Variants in ASCC3 observed in about 807,000 individuals in gnomAD.
ASCC3 encodes the protein activating signal cointegrator 1 complex subunit 3.
ASCC3 carries 158 observed loss-of-function variants against 256.3 expected under a neutral mutation model. The ratio of observed to expected loss-of-function variants is 0.62; its 90% CI spans 0.54 to 0.70. ASCC3 has a LOEUF of 0.70. ASCC3 is among the 30% of genes least tolerant of loss of function. The pLI is 0.00. For missense variants in ASCC3, 2,259 were observed against 2,626.0 expected, an observed-to-expected ratio of 0.86 and a Z score of 3.05; for synonymous variants, 948 against 883.4, an observed-to-expected ratio of 1.07 and a Z score of -1.30.
chr6:100,748,902 C>T (rs1780807373), intron 10 of ASCC3, among the ~76,000 whole-genome samples: 1 of 151,886 alleles, frequency 6.6e-6, no homozygotes, highest in South Asian at 2.1e-4. Context: ...ACATGCCTAT[C>T]ATCCATCAGC....
rs191769264 is a variant in ASCC3, at chr6:100,871,345, C to T, written c.-41-3307G>A. 1.6e-3 allele frequency among the ~76,000 whole-genome samples: 245 copies of T among 152,274 alleles called. 1 individual carries two copies. Among genetic ancestry groups the T allele is most frequent in the African/African-American group, 5.3e-3 (221 of 41,564 alleles). On this transcript the variant is annotated intron_variant, in intron 1 of 41. Coordinates refer to ENST00000369162, the MANE Select transcript of ASCC3 (RefSeq NM_006828.4). ...TCCTGACCTCGTGATCCGCCCGCCT[C>T]GGCCTCCTAAAGTGCTGGGATTACA...
intron 13 of ASCC3, among the ~76,000 whole-genome samples, chr6:100,713,897 T>C: frequency 6.6e-6 from 1 of 152,134 alleles, no homozygotes; most frequent in Non-Finnish European, 1.5e-5. Flanking sequence ...TCTAGCTACT[T>C]ACACTGAATT....
At chr6:100,664,339 T>C (rs1270730517) in intron 14 of ASCC3, among the ~76,000 whole-genome samples, 1 of 152,090 alleles carries the variant, frequency 6.6e-6, no homozygotes, top group Non-Finnish European at 1.5e-5. Flanking sequence ...TCAGGTCACT[T>C]AAAATTTTAA....
At chr6:100,792,721 T>C (rs1374928669) in intron 8 of ASCC3, among the ~76,000 whole-genome samples, 1 of 151,978 alleles carries the variant, frequency 6.6e-6, no homozygotes, top group Non-Finnish European at 1.5e-5. Flanking sequence ...TCCAATGTTG[T>C]TTTATTCAGC....
chr6:100,650,890 T>A (rs912665942), intron 19 of ASCC3, among the ~76,000 whole-genome samples, 176 bp from the exon 20 acceptor site: 2 of 151,874 alleles, frequency 1.3e-5, no homozygotes, highest in Admixed American at 6.6e-5. Flanking sequence ...AACTGCAATA[T>A]GAAATGATCT....
chr6:100,553,005 T>C (rs1048522384), intron 36 of ASCC3, among the ~76,000 whole-genome samples: 1 of 152,052 alleles, frequency 6.6e-6, no homozygotes, highest in African/African-American at 2.4e-5. Context: ...GGCTCTCCTG[T>C]GAATACCATG....
intron 36 of ASCC3, among the ~76,000 whole-genome samples, chr6:100,584,334 T>C (rs1771512701): frequency 6.6e-6 from 1 of 151,722 alleles, no homozygotes; most frequent in South Asian, 2.1e-4. Flanking sequence ...CCCTTTACCA[T>C]TATGTAATGG....
At chr6:100,729,338 A>AT (rs1421654094) in intron 10 of ASCC3, among the ~76,000 whole-genome samples, 1 of 152,174 alleles carries the variant, frequency 6.6e-6, no homozygotes, top group Non-Finnish European at 1.5e-5. Flanking sequence ...TTATGGAAAG[A>AT]TTTCAACTTC....
At chr6:100,742,927 T>C (rs1009797879) in intron 10 of ASCC3, among the ~76,000 whole-genome samples, 2 of 152,182 alleles carry the variant, frequency 1.3e-5, no homozygotes, top group Non-Finnish European at 2.9e-5. Context: ...TTCAGCCCCC[T>C]ACCTAGGGGA....
At chr6:100,586,276 C>T (rs1348999752) in intron 36 of ASCC3, among the ~76,000 whole-genome samples, 1 of 152,184 alleles carries the variant, frequency 6.6e-6, no homozygotes, top group Non-Finnish European at 1.5e-5. Context: ...CCTAAGCAAG[C>T]CTGGGCAATG....
At chr6:100,745,567 TC>T (rs1188849457) in intron 10 of ASCC3, among the ~76,000 whole-genome samples, 1 of 151,736 alleles carries the variant, frequency 6.6e-6, no homozygotes, top group Non-Finnish European at 1.5e-5. Context: ...CTCCCTCTGC[TC>T]CTGTTCTGTA....
intron 30 of ASCC3, among the ~76,000 whole-genome samples, chr6:100,610,439 G>GT (rs200035890): frequency 7.3e-5 from 11 of 150,918 alleles, no homozygotes; most frequent in Non-Finnish European, 7.4e-5. Flanking sequence ...AATTTTCTAA[G>GT]TTTTTTTTTA....
intron 8 of ASCC3, among the ~76,000 whole-genome samples, chr6:100,770,336 T>C (rs1436486150): frequency 4.6e-5 from 7 of 151,966 alleles, no homozygotes; most frequent in Non-Finnish European, 7.4e-5. Flanking sequence ...AGAAGGCATC[T>C]ACAAAAGCGT....
In ASCC3 at chr6:100,851,996, C is replaced by G. The variant is rs575291445; in HGVS notation, c.242-3289G>C. ...CCGACATGCTTTCCAGCACACTGTC[C>G]GCATGAGATGACGTATGTAGGCGTA... On this transcript the variant is annotated intron_variant, in intron 3 of 41. Transcript: ENST00000369162. 3.4e-4 allele frequency among the ~76,000 whole-genome samples: 52 copies of G among 152,254 alleles called. No homozygotes were observed. The South Asian group carries it at 4.4e-3, about 13-fold the overall frequency.
chr6:100,629,752 C>T (rs1774439504), intron 26 of ASCC3, among the ~76,000 whole-genome samples: 1 of 151,944 alleles, frequency 6.6e-6, no homozygotes, highest in African/African-American at 2.4e-5. Flanking sequence ...TGTACCAACT[C>T]ATTATAAGCA....
At chr6:100,691,409 G>A (rs239208) in intron 13 of ASCC3, among the ~76,000 whole-genome samples, 78,587 of 151,542 alleles carry the variant, frequency 0.52, 20,487 homozygotes, top group Middle Eastern at 0.62. Flanking sequence ...TGTATTTTTT[G>A]GAGGTAAAAT....
At chr6:100,656,546 A>G (rs961635831) in intron 16 of ASCC3, among the ~76,000 whole-genome samples, 1 of 151,602 alleles carries the variant, frequency 6.6e-6, no homozygotes. Context: ...AATTCTTCAG[A>G]TTGTATCTTG....
intron 4 of ASCC3, among the ~76,000 whole-genome samples, chr6:100,812,747 T>A (rs947298055): frequency 1.3e-5 from 2 of 151,634 alleles, no homozygotes; most frequent in Non-Finnish European, 2.9e-5. Flanking sequence ...CTGGGCAACA[T>A]AGCAAGACTC....
chr6:100,800,467 G>A lies in ASCC3; in HGVS notation c.960C>T (p.Pro320=). The change falls in exon 6 of 42, where the codon CCC becomes CCT. Residue 320 remains proline, a synonymous_variant. Transcript: ENST00000369162. ...CKKILGENAK[P]NYGCQVTIQS... is the part of the protein sequence containing the mutation. ...GAATAGTGACTTGACAACCATAATT[G>A]GGTTTAGCATTTTCTCCTAAAATTT... 1 of 1,611,602 alleles carries A rather than the reference G, an allele frequency of 6.2e-7. No homozygotes were observed. The highest frequency in any genetic ancestry group is 8.5e-7 in the Non-Finnish European group (1 of 1,178,918).
Sources: allele counts gnomAD v4.1 joint callset (sites outside exome capture counted in the v4.1 genomes callset), GRCh38; gene constraint gnomAD v4.1.1; transcripts MANE v1.5; gene names NCBI Gene and HGNC (gene_info 2026-07-23, HGNC 2026-07-21).